Variants in ANKS1B observed in about 807,000 individuals in gnomAD.
ANKS1B encodes ankyrin repeat and sterile alpha motif domain containing 1B.
Under a neutral mutation model 148.3 loss-of-function variants are expected in ANKS1B, and 36 were observed. The observed-to-expected ratio is 0.24, with a 90% CI of 0.19 to 0.32. The LOEUF (loss-of-function observed/expected upper bound fraction) is 0.32, where lower values mean the gene tolerates loss of function less well. Ranked by LOEUF, ANKS1B falls within the 10% of genes least tolerant of loss-of-function variation. The pLI is 1.00. For synonymous variants in ANKS1B, 542 were observed against 560.8 expected, an observed-to-expected ratio of 0.97 and a Z score of 0.47; for missense variants, 1,157 against 1,542.6, an observed-to-expected ratio of 0.75 and a Z score of 4.19.
At chr12:99,905,451 T>C (rs540176489) in intron 1 of ANKS1B, among the ~76,000 whole-genome samples, 149 of 152,340 alleles carry the variant, frequency 9.8e-4, no homozygotes, top group Non-Finnish European at 1.6e-3. Context: ...AAATGGCTCT[T>C]GGTTCCTCAC....
At chr12:99,827,517 G>A (rs371844008) in intron 1 of ANKS1B, among the ~76,000 whole-genome samples, 9 of 152,242 alleles carry the variant, frequency 5.9e-5, no homozygotes, top group South Asian at 2.1e-4. Flanking sequence ...TTTCAGCTAC[G>A]TGAGTAGATT....
intron 9 of ANKS1B, among the ~76,000 whole-genome samples, chr12:99,537,809 A>G (rs894947445): frequency 1.3e-5 from 2 of 152,018 alleles, no homozygotes; most frequent in East Asian, 3.9e-4. Context: ...TGCTTATGGT[A>G]TATTGCTCAA....
chr12:99,753,031 TA>T (rs1477148160), intron 8 of ANKS1B, among the ~76,000 whole-genome samples: 1 of 152,144 alleles, frequency 6.6e-6, no homozygotes, highest in Non-Finnish European at 1.5e-5. Flanking sequence ...TGCATGATTA[TA>T]TAGTATAAAG....
chr12:98,737,098 G>A (rs751887194), intron 9 of ANKS1B, among the ~76,000 whole-genome samples: 1 of 152,202 alleles, frequency 6.6e-6, no homozygotes. Flanking sequence ...CTAAGAGACC[G>A]CTCAGGGGAC....
chr12:98,826,481 AC>A (rs770502281), intron 19 of ANKS1B, among the ~76,000 whole-genome samples: 5 of 151,968 alleles, frequency 3.3e-5, no homozygotes, highest in Non-Finnish European at 7.4e-5. Flanking sequence ...AGAAGGCAAA[AC>A]TCCTAATGAA....
At chr12:99,463,026 T>C (rs755981324) in intron 10 of ANKS1B, among the ~76,000 whole-genome samples, 1 of 152,164 alleles carries the variant, frequency 6.6e-6, no homozygotes, top group African/African-American at 2.4e-5. Flanking sequence ...TCTTTATAAA[T>C]TACTCAGTCT....
At chr12:99,642,091 A>G (rs935717482) in intron 9 of ANKS1B, among the ~76,000 whole-genome samples, 1 of 152,210 alleles carries the variant, frequency 6.6e-6, no homozygotes, top group Admixed American at 6.5e-5. Flanking sequence ...TATTAACATC[A>G]TCATCATAAG....
intron 8 of ANKS1B, among the ~76,000 whole-genome samples, chr12:99,710,117 C>A (rs1043784457): frequency 2.0e-5 from 3 of 152,112 alleles, no homozygotes; most frequent in African/African-American, 7.2e-5. Flanking sequence ...CCAGCTCATG[C>A]CACTATAGAA....
At chr12:99,619,927 G>A (rs1300480819) in intron 9 of ANKS1B, among the ~76,000 whole-genome samples, 1 of 152,120 alleles carries the variant, frequency 6.6e-6, no homozygotes, top group Non-Finnish European at 1.5e-5. Context: ...TAGAGCTGAG[G>A]AGGGAGCTCA....
chr12:99,971,137 A>G lies in ANKS1B; in HGVS notation c.134+12967T>C, dbSNP rs554004770. On this transcript the variant is annotated intron_variant, in intron 1 of 26. Transcript: ENST00000683438. The stretch of plus-strand genomic sequence containing the variant: ...ATGATTAATGAGCTTTGTCTAATAT[A>G]TACATATATATATACACACACACGT... 2.6e-5 allele frequency among the ~76,000 whole-genome samples: 4 copies of G among 152,330 alleles called. 1 individual carries two copies. Among genetic ancestry groups the G allele is most frequent in the African/African-American group, 9.6e-5 (4 of 41,558 alleles).
intron 17 of ANKS1B, among the ~76,000 whole-genome samples, chr12:98,846,783 A>G (rs765176023): frequency 7.2e-5 from 11 of 152,212 alleles, no homozygotes; most frequent in Non-Finnish European, 1.3e-4. Context: ...CGAGTTAAAT[A>G]CTACTTTTGA....
At chr12:99,112,364 G>A (rs1419816241) in intron 15 of ANKS1B, among the ~76,000 whole-genome samples, 1 of 151,172 alleles carries the variant, frequency 6.6e-6, no homozygotes, top group African/African-American at 2.4e-5. Flanking sequence ...TTTATATTTG[G>A]GTGATGCTTC....
chr12:99,651,899 G>A (rs1431252777), intron 9 of ANKS1B, among the ~76,000 whole-genome samples: 1 of 151,580 alleles, frequency 6.6e-6, no homozygotes, highest in African/African-American at 2.4e-5. Context: ...TGCAAATTGT[G>A]TATGTGTGTA....
At chr12:99,109,756 C>T (rs372779322) in intron 15 of ANKS1B, among the ~76,000 whole-genome samples, 16 of 152,296 alleles carry the variant, frequency 1.1e-4, no homozygotes, top group African/African-American at 3.6e-4. Flanking sequence ...TGTCTTTATG[C>T]ACTTACCCAA....
chr12:98,894,673 G>A, intron 17 of ANKS1B: 1 of 985,674 alleles, frequency 1.0e-6, no homozygotes, highest in Non-Finnish European at 1.2e-6. Flanking sequence ...CGCGAGGGCT[G>A]GCGGGCTCTG....
intron 9 of ANKS1B, among the ~76,000 whole-genome samples, chr12:99,521,726 A>ATCTCTCTCTCTC (rs202020332): frequency 1.3e-5 from 2 of 150,572 alleles, no homozygotes; most frequent in African/African-American, 5.0e-5. Flanking sequence ...CTCTCTCTCA[A>ATCTCTCTCTCTC]TCTCTCGCTC....
chr12:99,781,961 TATTCCCA>T, intron 5 of ANKS1B, 54 bp downstream of exon 5: 1 of 1,424,126 alleles, frequency 7.0e-7, no homozygotes, highest in Non-Finnish European at 9.6e-7. Context: ...TTCCTTTGTC[TATTCCCA>T]AAATAGAAAT....
chr12:99,488,418 C>T (rs541925657), intron 10 of ANKS1B, among the ~76,000 whole-genome samples: 2 of 152,034 alleles, frequency 1.3e-5, no homozygotes, highest in Non-Finnish European at 2.9e-5. Context: ...TTCTTTTAGT[C>T]TTCATTATTG....
At chr12:99,892,621 T>C (rs980793472) in intron 1 of ANKS1B, among the ~76,000 whole-genome samples, 4 of 152,118 alleles carry the variant, frequency 2.6e-5, no homozygotes, top group Admixed American at 1.3e-4. Flanking sequence ...GGAGATAAGT[T>C]TGAAGGTGGA....
Sources: gnomAD v4.1 joint callset for allele counts (sites outside exome capture counted in the v4.1 genomes callset) on GRCh38, gnomAD v4.1.1 for gene constraint, MANE v1.5 for transcripts, NCBI Gene and HGNC (gene_info 2026-07-23, HGNC 2026-07-21) for gene names.